The following NTN4 variants were observed in gnomAD, a reference collection of about 807,000 sequenced individuals.
NTN4 encodes netrin-4.
Under a neutral mutation model 73.6 loss-of-function variants are expected in NTN4, and 32 were observed. The ratio of observed to expected loss-of-function variants is 0.44; its 90% CI spans 0.33 to 0.58. The LOEUF (loss-of-function observed/expected upper bound fraction) is 0.58, where lower values mean the gene tolerates loss of function less well. Ranked by LOEUF, NTN4 falls within the 20% of genes least tolerant of loss-of-function variation. The pLI is 0.04. For synonymous variants in NTN4, 258 were observed against 287.5 expected, an observed-to-expected ratio of 0.90 and a Z score of 1.04; for missense variants, 654 against 798.3, an observed-to-expected ratio of 0.82 and a Z score of 2.18.
At chr12:95,741,007 T>G (rs2078819476) in intron 2 of NTN4, among the ~76,000 whole-genome samples, 1 of 152,188 alleles carries the variant, frequency 6.6e-6, no homozygotes, top group South Asian at 2.1e-4. Context: ...GAAACACCGT[T>G]ACATAATTTT....
chr12:95,710,305 G>C, intron 5 of NTN4, 136 bp downstream of exon 5: 1 of 632,398 alleles, frequency 1.6e-6, no homozygotes, highest in Non-Finnish European at 2.6e-6. Flanking sequence ...TATCAATGAA[G>C]AAATTAACCG....
intron 2 of NTN4, among the ~76,000 whole-genome samples, chr12:95,759,510 A>C (rs1555220814): frequency 8.1e-6 from 1 of 123,786 alleles, no homozygotes; most frequent in African/African-American, 3.2e-5. Flanking sequence ...TTTTTTTGAG[A>C]TGGGGTCTTG....
intron 9 of NTN4, chr12:95,665,601 A>C (rs1475099339): frequency 7.3e-6 from 3 of 413,208 alleles, no homozygotes; most frequent in Non-Finnish European, 8.6e-6. Context: ...TGGATTTTAA[A>C]ATATTAAACT....
intron 9 of NTN4, among the ~76,000 whole-genome samples, chr12:95,659,614 T>C (rs1430299207): frequency 6.6e-6 from 1 of 152,158 alleles, no homozygotes; most frequent in Admixed American, 6.5e-5. Flanking sequence ...AGCAGTTTTA[T>C]ATATTCAGGG....
chr12:95,665,319 T>C (rs2120921038), intron 9 of NTN4, among the ~76,000 whole-genome samples: 1 of 152,382 alleles, frequency 6.6e-6, no homozygotes, highest in African/African-American at 2.4e-5. Context: ...AGAAATATCA[T>C]TTCATGAAAA....
At chr12:95,768,364 TA>T (rs2079034198) in intron 2 of NTN4, among the ~76,000 whole-genome samples, 1 of 152,140 alleles carries the variant, frequency 6.6e-6, no homozygotes, top group Admixed American at 6.5e-5. Context: ...CATCTACCCC[TA>T]AATTATTTGA....
intron 5 of NTN4, 26 bp downstream of exon 5, chr12:95,710,414 AT>A: frequency 6.3e-7 from 1 of 1,586,708 alleles, no homozygotes; most frequent in Non-Finnish European, 8.6e-7. Context: ...AAATCAGCCT[AT>A]TTTCTGGAAA....
chr12:95,755,348 G>T (rs1012124330), intron 2 of NTN4, among the ~76,000 whole-genome samples: 1 of 152,218 alleles, frequency 6.6e-6, no homozygotes, highest in Admixed American at 6.5e-5. Context: ...TGGAAAGTAT[G>T]TGAAGTTTCC....
chr12:95,772,645 T>C (rs1423311393), intron 2 of NTN4, among the ~76,000 whole-genome samples: 1 of 152,226 alleles, frequency 6.6e-6, no homozygotes, highest in East Asian at 1.9e-4. Context: ...ACATCTTCTC[T>C]ATCTCAGTAA....
At chr12:95,752,557 A>G (rs188621777) in intron 2 of NTN4, among the ~76,000 whole-genome samples, 417 of 146,040 alleles carry the variant, frequency 2.9e-3, no homozygotes, top group Middle Eastern at 0.014. Flanking sequence ...CATTACTTCA[A>G]TCAAGCCCAA....
At chr12:95,775,675 G>A (rs918582112) in intron 2 of NTN4, among the ~76,000 whole-genome samples, 5 of 152,234 alleles carry the variant, frequency 3.3e-5, no homozygotes, top group Non-Finnish European at 7.3e-5. Context: ...GGTAAACAAA[G>A]CAGCTGGGAA....
At chr12:95,772,607 GTCT>G (rs1480888707) in intron 2 of NTN4, among the ~76,000 whole-genome samples, 12 of 152,150 alleles carry the variant, frequency 7.9e-5, no homozygotes, top group Admixed American at 1.3e-4. Context: ...TGAGTTCCTG[GTCT>G]TCTTCTCCAA....
At chr12:95,694,642 C>A (rs961900441) in intron 5 of NTN4, among the ~76,000 whole-genome samples, 4 of 151,858 alleles carry the variant, frequency 2.6e-5, no homozygotes, top group African/African-American at 9.7e-5. Flanking sequence ...CTTCTGCTAT[C>A]AACTATTTTT....
At chr12:95,773,704 C>T (rs1290745617) in intron 2 of NTN4, among the ~76,000 whole-genome samples, 1 of 152,156 alleles carries the variant, frequency 6.6e-6, no homozygotes, top group East Asian at 1.9e-4. Context: ...TAAGCCTCTT[C>T]TCCCCATAGC....
intron 9 of NTN4, among the ~76,000 whole-genome samples, chr12:95,662,375 T>C (rs920826972): frequency 1.1e-4 from 17 of 151,694 alleles, no homozygotes; most frequent in African/African-American, 3.9e-4. Flanking sequence ...GACAACAGGC[T>C]CATGCCACTA....
At chr12:95,765,133 TACCATA>T (rs950014143) in intron 2 of NTN4, among the ~76,000 whole-genome samples, 2 of 152,252 alleles carry the variant, frequency 1.3e-5, no homozygotes, top group African/African-American at 4.8e-5. Flanking sequence ...ACTTGTATCT[TACCATA>T]ACATTGCTGT....
At chr12:95,772,941 T>C (rs149292670) in intron 2 of NTN4, among the ~76,000 whole-genome samples, 6 of 152,182 alleles carry the variant, frequency 3.9e-5, no homozygotes, top group African/African-American at 1.4e-4. Context: ...GTACTAAAAA[T>C]AGATAATATC....
chr12:95,725,006 A>AGGATTTTTTTTTTTTTTTTTTTTTTTTTT, intron 3 of NTN4, among the ~76,000 whole-genome samples: 1 of 135,840 alleles, frequency 7.4e-6, no homozygotes, highest in Non-Finnish European at 1.6e-5. Context: ...TGTCATCAGG[A>AGGATTTTTTTTTTTTTTTTTTTTTTTTTT]TTTTTTTTTT....
At chr12:95,660,155 A>G (rs1261285400) in intron 9 of NTN4, among the ~76,000 whole-genome samples, 3 of 152,184 alleles carry the variant, frequency 2.0e-5, no homozygotes, top group Admixed American at 6.5e-5. Context: ...CTGGGATTGC[A>G]GGCATGCACC....
Sources: gnomAD v4.1 joint callset for allele counts (sites outside exome capture counted in the v4.1 genomes callset) on GRCh38, gnomAD v4.1.1 for gene constraint, MANE v1.5 for transcripts, NCBI Gene and HGNC (gene_info 2026-07-23, HGNC 2026-07-21) for gene names.